The following CPM variants were observed in gnomAD, a reference collection of about 807,000 sequenced individuals.
CPM encodes the protein renal carboxypeptidase.
Under a neutral mutation model 46.4 loss-of-function variants are expected in CPM, and 35 were observed. The observed-to-expected ratio is 0.75, with a 90% CI of 0.58 to 1.00. The LOEUF (loss-of-function observed/expected upper bound fraction) is 1.00, where lower values mean the gene tolerates loss of function less well. Ranked by LOEUF, CPM falls within the 50% of genes least tolerant of loss-of-function variation. The probability of loss-of-function intolerance (pLI) is 0.00; values close to 1 mark genes in which losing one functional copy is unlikely to be tolerated. For missense variants in CPM, 422 were observed against 530.4 expected (o/e 0.80, Z 2.01); for synonymous variants, 195 against 195.3 (o/e 1.00, Z 0.01).
At chr12:68,905,761 GA>G in intron 2 of CPM, among the ~76,000 whole-genome samples, 1 of 152,204 alleles carries the variant, frequency 6.6e-6, no homozygotes, top group Admixed American at 6.5e-5. Flanking sequence ...CAGTTCTTCA[GA>G]AAAAATATTT....
chr12:68,872,398 G>T (rs11837874), intron 3 of CPM, among the ~76,000 whole-genome samples: 1 of 151,664 alleles, frequency 6.6e-6, no homozygotes, highest in Non-Finnish European at 1.5e-5. Flanking sequence ...GATTACAGGC[G>T]TGTGCCACCA....
intron 3 of CPM, among the ~76,000 whole-genome samples, chr12:68,885,411 C>T (rs1462488088): frequency 1.3e-5 from 2 of 152,178 alleles, no homozygotes; most frequent in African/African-American, 2.4e-5. Flanking sequence ...GTTGTGGGTT[C>T]GGATACAATA....
intron 2 of CPM, among the ~76,000 whole-genome samples, chr12:68,896,472 G>A (rs1886880938): frequency 1.3e-5 from 2 of 152,206 alleles, no homozygotes; most frequent in Non-Finnish European, 2.9e-5. Context: ...CTGAGTGAAT[G>A]GATGATTGGA....
intron 1 of CPM, among the ~76,000 whole-genome samples, chr12:68,955,177 G>A (rs1888993944): frequency 1.3e-5 from 2 of 152,298 alleles, no homozygotes; most frequent in Admixed American, 6.5e-5. Flanking sequence ...TAAAACTCAG[G>A]CAAAGGTGCC....
At chr12:68,914,716 G>A (rs988644430) in intron 2 of CPM, among the ~76,000 whole-genome samples, 2 of 152,140 alleles carry the variant, frequency 1.3e-5, no homozygotes, top group African/African-American at 4.8e-5. Flanking sequence ...ATCCCCAAGC[G>A]GTCCTCTGTC....
chr12:68,884,468 A>G (rs1693838371), intron 3 of CPM, among the ~76,000 whole-genome samples: 1 of 152,100 alleles, frequency 6.6e-6, no homozygotes, highest in African/African-American at 2.4e-5. Context: ...TGTACCATGA[A>G]GGGTAGATCC....
chr12:68,906,345 C>T (rs1887346500), intron 2 of CPM, among the ~76,000 whole-genome samples: 1 of 152,102 alleles, frequency 6.6e-6, no homozygotes, highest in East Asian at 1.9e-4. Flanking sequence ...TCACAAATAC[C>T]TCAGCTGACT....
intron 2 of CPM, among the ~76,000 whole-genome samples, chr12:68,891,520 A>T (rs1886653411): frequency 6.6e-6 from 1 of 152,236 alleles, no homozygotes; most frequent in African/African-American, 2.4e-5. Context: ...CCTAATAGCC[A>T]CAAGTGGTAG....
At chr12:68,908,368 T>C (rs942422964) in intron 2 of CPM, among the ~76,000 whole-genome samples, 3 of 151,940 alleles carry the variant, frequency 2.0e-5, no homozygotes, top group African/African-American at 7.3e-5. Flanking sequence ...ACAGCCATTA[T>C]GACCTGAATC....
At chr12:68,923,158 A>AGTGTGTGTGTGTGTGTGT in intron 2 of CPM, among the ~76,000 whole-genome samples, 1 of 131,902 alleles carries the variant, frequency 7.6e-6, no homozygotes, top group South Asian at 2.5e-4. Flanking sequence ...TATTTGATAT[A>AGTGTGTGTGTGTGTGTGT]GAGTGTGTGT....
chr12:68,844,917 G>C (rs1038130361), intron 5 of CPM: 3 of 199,850 alleles, frequency 1.5e-5, no homozygotes, highest in Admixed American at 1.2e-4. Flanking sequence ...AGAGCACCCT[G>C]TCACCACGCC....
In CPM at chr12:68,856,575, C is replaced by A. The variant is rs1884981256; in HGVS notation, c.1194G>T (p.Gly398=). The change falls in exon 9 of 9, where the codon GGG becomes GGT. Residue 398 remains glycine, a synonymous_variant. Coordinates refer to ENST00000551568, the MANE Select transcript of CPM (RefSeq NM_198320.5). ...LKKDILLPFQ[G]QLDSIPVSNP... is the part of the protein sequence containing the mutation. Reference sequence around the variant, plus strand: ...TTGATACTGGGATAGAATCCAATTGCCCTTGGAATGGAAGTAGAATATCCT... The same window carrying A: ...TTGATACTGGGATAGAATCCAATTGACCTTGGAATGGAAGTAGAATATCCT... 6.2e-7 allele frequency: 1 copy of A among 1,614,190 alleles called. No homozygotes were observed. Among genetic ancestry groups the A allele is most frequent in the Non-Finnish European group, 8.5e-7 (1 of 1,180,018 alleles).
intron 2 of CPM, among the ~76,000 whole-genome samples, chr12:68,910,826 A>G (rs1223983851): frequency 6.6e-6 from 1 of 152,194 alleles, no homozygotes; most frequent in Non-Finnish European, 1.5e-5. Context: ...TCTATAAGAT[A>G]GAAAGCTCTC....
At chr12:68,909,910 A>G (rs1303820122) in intron 2 of CPM, among the ~76,000 whole-genome samples, 8 of 151,878 alleles carry the variant, frequency 5.3e-5, no homozygotes, top group African/African-American at 1.2e-4. Flanking sequence ...GGGTGCAGCA[A>G]ACCACCATGG....
intron 2 of CPM, among the ~76,000 whole-genome samples, chr12:68,926,991 A>C (rs34329967): frequency 1.1e-4 from 16 of 152,070 alleles, no homozygotes; most frequent in Admixed American, 3.9e-4. Context: ...GGTTCCAAGT[A>C]TTTGCTATTG....
chr12:68,845,409 C>A, intron 5 of CPM: 1 of 208,484 alleles, frequency 4.8e-6, no homozygotes, highest in Non-Finnish European at 9.7e-6. Flanking sequence ...AAACGAAAGG[C>A]AAAATAAAAC....
At chr12:68,936,595 G>A (rs1378994739), upstream of CPM, among the ~76,000 whole-genome samples, 1 of 152,116 alleles carries the variant, frequency 6.6e-6, no homozygotes, top group African/African-American at 2.4e-5. Context: ...CGTTGGCCAG[G>A]ATGGTCTCGA....
chr12:68,863,692 C>A (rs1885309604), intron 7 of CPM, among the ~76,000 whole-genome samples: 1 of 152,180 alleles, frequency 6.6e-6, no homozygotes, highest in Non-Finnish European at 1.5e-5. Context: ...TGGGCTCTAC[C>A]TAAGCCTCTA....
chr12:68,866,847 G>A, intron 7 of CPM, 49 bp downstream of exon 7: 1 of 1,521,992 alleles, frequency 6.6e-7, no homozygotes, highest in East Asian at 2.3e-5. Context: ...GGTCTTGCCA[G>A]ATGCTCTATT....
Sources: allele counts gnomAD v4.1 joint callset (sites outside exome capture counted in the v4.1 genomes callset), GRCh38; gene constraint gnomAD v4.1.1; transcripts MANE v1.5; gene names NCBI Gene and HGNC (gene_info 2026-07-23, HGNC 2026-07-21).